NKAIN2: variants seen among roughly 807,000 people sequenced by gnomAD.
NKAIN2 encodes sodium/potassium-transporting ATPase subunit beta-1-interacting protein 2.
Under a neutral mutation model 32.6 loss-of-function variants are expected in NKAIN2, and 14 were observed. The ratio of observed to expected loss-of-function variants is 0.43; its 90% CI spans 0.28 to 0.67. The LOEUF (loss-of-function observed/expected upper bound fraction) is 0.67, where lower values mean the gene tolerates loss of function less well. Among genes scored for constraint, NKAIN2 ranks in the 30% least tolerant of loss-of-function variants. The pLI is 0.17. For synonymous variants in NKAIN2, 80 were observed against 87.2 expected (o/e 0.92, Z 0.46); for missense variants, 198 against 258.3 (o/e 0.77, Z 1.60).
intron 1 of NKAIN2, among the ~76,000 whole-genome samples, chr6:123,951,564 T>C (rs1582831528): frequency 6.6e-6 from 1 of 152,116 alleles, no homozygotes; most frequent in East Asian, 1.9e-4. Context: ...TTATGTAATG[T>C]AAGTATAGTT....
chr6:124,713,225 T>A (rs1055609352), intron 4 of NKAIN2, among the ~76,000 whole-genome samples: 6 of 152,136 alleles, frequency 3.9e-5, no homozygotes, highest in African/African-American at 1.4e-4. Context: ...TCAACAAGAT[T>A]AAATTCTTTG....
intron 1 of NKAIN2, among the ~76,000 whole-genome samples, chr6:124,098,016 G>T (rs546525554): frequency 1.3e-5 from 2 of 151,412 alleles, no homozygotes; most frequent in East Asian, 4.0e-4. Context: ...GGTGATGAAT[G>T]ATTTTTTTTG....
At chr6:124,085,437 A>G (rs754875814) in intron 1 of NKAIN2, among the ~76,000 whole-genome samples, 5 of 151,930 alleles carry the variant, frequency 3.3e-5, no homozygotes, top group Non-Finnish European at 5.9e-5. Context: ...GTTGAGGGGC[A>G]GAAAAGTTGG....
chr6:124,427,264 T>C (rs1775021837), intron 3 of NKAIN2, among the ~76,000 whole-genome samples: 1 of 152,182 alleles, frequency 6.6e-6, no homozygotes, highest in African/African-American at 2.4e-5. Context: ...GACCAAATGT[T>C]CATCAACAAA....
At chr6:124,438,837 A>G (rs573497047) in intron 3 of NKAIN2, among the ~76,000 whole-genome samples, 2 of 152,232 alleles carry the variant, frequency 1.3e-5, no homozygotes, top group Admixed American at 6.5e-5. Context: ...CTGGGACACA[A>G]CAGCCATCTG....
intron 1 of NKAIN2, among the ~76,000 whole-genome samples, chr6:123,857,367 A>G (rs1328356110): frequency 2.0e-5 from 3 of 152,020 alleles, no homozygotes; most frequent in African/African-American, 7.3e-5. Context: ...CTAAGGGGCT[A>G]TAAGCTTGTA....
chr6:123,938,220 T>C (rs1207836009), intron 1 of NKAIN2, among the ~76,000 whole-genome samples: 17 of 151,328 alleles, frequency 1.1e-4, no homozygotes, highest in Admixed American at 8.0e-4. Context: ...GGGGAAGAGA[T>C]TTTAAAAAGG....
chr6:124,494,998 A>G (rs1038968635), intron 3 of NKAIN2, among the ~76,000 whole-genome samples: 2 of 152,156 alleles, frequency 1.3e-5, no homozygotes, highest in African/African-American at 4.8e-5. Flanking sequence ...TTAATATTCT[A>G]CAGTCATTGG....
intron 4 of NKAIN2, among the ~76,000 whole-genome samples, chr6:124,749,206 CA>C (rs894316263): frequency 1.1e-4 from 16 of 151,994 alleles, no homozygotes; most frequent in African/African-American, 3.9e-4. Flanking sequence ...AATCCAGCAA[CA>C]GCTAGTGGAG....
chr6:124,134,822 A>G (rs1380866468), intron 1 of NKAIN2, among the ~76,000 whole-genome samples: 3 of 152,212 alleles, frequency 2.0e-5, no homozygotes, highest in South Asian at 2.1e-4. Context: ...TGAAAAGATT[A>G]TCACCTAGGC....
Position 124,071,117 on chromosome 6 carries a change from A to AGTTGT in NKAIN2, c.55-211887_55-211886insTTGTG, listed in dbSNP as rs1562340803. ...GCTCACAACTGGCCTAGCGGAAGAA[A>AGTTGT]GGCAACAATGGAACAAAAGAGAGAA... On this transcript the variant is annotated intron_variant, in intron 1 of 6. Coordinates refer to ENST00000368417, the MANE Select transcript of NKAIN2 (RefSeq NM_001040214.3). Among the ~76,000 whole-genome samples the AGTTGT allele has an allele frequency of 7.2e-5, 11 of 152,286 alleles. No individual in the cohort carries two copies. The South Asian group carries it at 1.4e-3, about 20-fold the overall frequency.
chr6:124,129,366 A>G (rs570364401), intron 1 of NKAIN2, among the ~76,000 whole-genome samples: 5 of 152,224 alleles, frequency 3.3e-5, no homozygotes, highest in African/African-American at 1.2e-4. Flanking sequence ...TGAGAATGCC[A>G]TCAGGTGCCC....
At chr6:123,832,574 G>A (rs898579556) in intron 1 of NKAIN2, among the ~76,000 whole-genome samples, 4 of 152,138 alleles carry the variant, frequency 2.6e-5, no homozygotes, top group Admixed American at 6.5e-5. Context: ...TGGCTGTACC[G>A]TTTCGCATTT....
At position 123,804,136 on chromosome 6, in the gene NKAIN2, A is replaced by G; in HGVS notation, c.-65A>G. 1.4e-6 allele frequency: 2 copies of G among 1,456,338 alleles called. No individual in the cohort carries two copies. The highest frequency in any genetic ancestry group is 2.3e-5 in the South Asian group (2 of 87,938). The allele number at this position is 1,456,338 out of a possible 1,614,324, so 90.2% of individuals were successfully genotyped here. On this transcript the variant is annotated 5_prime_UTR_variant, in exon 1 of 7. Transcript: ENST00000368417. ...GTGTCCTTCCCCGCGATCTGATTGGATAAAGTGGGGGCTCGACGGTGGCCG... is the reference window on the plus strand; with the variant it reads ...GTGTCCTTCCCCGCGATCTGATTGGGTAAAGTGGGGGCTCGACGGTGGCCG...
chr6:124,785,072 A>G (rs1056389889), intron 4 of NKAIN2, among the ~76,000 whole-genome samples: 1 of 152,106 alleles, frequency 6.6e-6, no homozygotes, highest in Non-Finnish European at 1.5e-5. Context: ...AGTGGGGGAA[A>G]AAAAAGTTAG....
chr6:124,754,520 A>G (rs1027524164), intron 4 of NKAIN2, among the ~76,000 whole-genome samples: 1 of 152,052 alleles, frequency 6.6e-6, no homozygotes, highest in African/African-American at 2.4e-5. Context: ...TGTGGCCAAC[A>G]ATTATGTGGA....
intron 3 of NKAIN2, among the ~76,000 whole-genome samples, chr6:124,624,393 C>T (rs1323250407): frequency 6.6e-6 from 1 of 152,096 alleles, no homozygotes; most frequent in African/African-American, 2.4e-5. Flanking sequence ...TATTTACCAG[C>T]CAATATTACA....
At chr6:124,193,502 C>T (rs938262932) in intron 1 of NKAIN2, among the ~76,000 whole-genome samples, 8 of 152,162 alleles carry the variant, frequency 5.3e-5, no homozygotes, top group Admixed American at 3.3e-4. Flanking sequence ...CACCAGGAAC[C>T]GCAGAGCCCT....
At chr6:124,678,999 T>C in intron 4 of NKAIN2, among the ~76,000 whole-genome samples, 1 of 152,140 alleles carries the variant, frequency 6.6e-6, no homozygotes, top group South Asian at 2.1e-4. Flanking sequence ...ACTCCCTTGG[T>C]GCATGTCAGA....
Sources: gnomAD v4.1 joint callset for allele counts (sites outside exome capture counted in the v4.1 genomes callset) on GRCh38, gnomAD v4.1.1 for gene constraint, MANE v1.5 for transcripts, NCBI Gene and HGNC (gene_info 2026-07-23, HGNC 2026-07-21) for gene names.